LUZP2: variants seen among roughly 807,000 people sequenced by gnomAD.
The protein encoded by LUZP2 is leucine zipper protein 2.
A neutral mutation model predicts 51.6 loss-of-function variants in LUZP2; 52 were observed. That is an observed-to-expected ratio of 1.01 (90% confidence interval 0.81 to 1.27). The LOEUF (loss-of-function observed/expected upper bound fraction) is 1.27. LUZP2 is among the 50% of genes most tolerant of loss of function. The pLI is 0.00. For missense variants in LUZP2, 436 were observed against 395.4 expected, an observed-to-expected ratio of 1.10 and a Z score of -0.87; for synonymous variants, 154 against 137.3, an observed-to-expected ratio of 1.12 and a Z score of -0.85.
intron 7 of LUZP2, among the ~76,000 whole-genome samples, chr11:24,965,567 C>A (rs886413556): frequency 2.0e-5 from 3 of 151,600 alleles, no homozygotes; most frequent in South Asian, 2.1e-4. Flanking sequence ...ACTTTGAAAG[C>A]AATTTTGAGG....
Position 25,055,134 on chromosome 11 carries a change from C to A in LUZP2, c.858+5004C>A, listed in dbSNP as rs1305377825. On this transcript the variant is annotated intron_variant, in intron 10 of 11. Coordinates refer to ENST00000336930, the MANE Select transcript of LUZP2 (RefSeq NM_001009909.4). ...CAAGCGATTCTCCTGCCTCAGCCTC[C>A]TGAGTAGCTGGGACTACAGGTGCCT... Among the ~76,000 whole-genome samples, 3 of 150,962 alleles carry A rather than the reference C, an allele frequency of 2.0e-5. No individual in the cohort carries two copies. In the South Asian group the frequency reaches 6.3e-4, roughly 32 times the overall value.
intron 1 of LUZP2, among the ~76,000 whole-genome samples, chr11:24,590,324 A>G (rs1216353961): frequency 6.6e-6 from 1 of 152,132 alleles, no homozygotes; most frequent in Admixed American, 6.6e-5. Context: ...ACGGAGTACA[A>G]TTTGATGTCT....
chr11:24,607,519 A>C (rs572707599), intron 1 of LUZP2, among the ~76,000 whole-genome samples: 24 of 151,944 alleles, frequency 1.6e-4, no homozygotes, highest in South Asian at 6.2e-4. Flanking sequence ...CTTTTATGTC[A>C]GTGTGATACT....
chr11:24,967,481 A>T (rs1017944508), intron 7 of LUZP2, among the ~76,000 whole-genome samples: 5 of 151,250 alleles, frequency 3.3e-5, no homozygotes, highest in Admixed American at 2.0e-4. Flanking sequence ...TCTTTTTTTC[A>T]TACTCTTTTC....
intron 5 of LUZP2, among the ~76,000 whole-genome samples, chr11:24,773,127 A>G (rs1318184973): frequency 2.0e-5 from 3 of 151,340 alleles, no homozygotes; most frequent in South Asian, 2.1e-4. Context: ...TTTATTAGGT[A>G]TAAATCTATC....
chr11:24,766,016 C>T (rs78486056), intron 5 of LUZP2, among the ~76,000 whole-genome samples: 5,478 of 152,238 alleles, frequency 0.036, 201 homozygotes, highest in African/African-American at 0.087. Flanking sequence ...TCACCTCAGC[C>T]TCCTAAAATG....
intron 1 of LUZP2, among the ~76,000 whole-genome samples, chr11:24,546,807 C>T (rs989580974): frequency 2.0e-5 from 3 of 152,034 alleles, no homozygotes; most frequent in Admixed American, 6.6e-5. Context: ...AGAGAGGAGT[C>T]CTTCCTCCTC....
chr11:25,009,246 CAGAA>C (rs1216465427), intron 9 of LUZP2, among the ~76,000 whole-genome samples: 2 of 151,910 alleles, frequency 1.3e-5, no homozygotes, highest in Non-Finnish European at 2.9e-5. Context: ...ACATATAAAC[CAGAA>C]AGAAAGTGAG....
At chr11:24,659,406 A>T (rs1342166014) in intron 1 of LUZP2, among the ~76,000 whole-genome samples, 3 of 152,010 alleles carry the variant, frequency 2.0e-5, no homozygotes, top group Non-Finnish European at 4.4e-5. Flanking sequence ...AACATCACAC[A>T]CCAGGGTCTG....
At chr11:24,895,484 TAA>T (rs1853011097) in intron 5 of LUZP2, among the ~76,000 whole-genome samples, 1 of 152,168 alleles carries the variant, frequency 6.6e-6, no homozygotes, top group Non-Finnish European at 1.5e-5. Context: ...GTATCGTACC[TAA>T]GAGTCTTTAA....
intron 7 of LUZP2, among the ~76,000 whole-genome samples, chr11:24,943,488 T>A (rs1328166477): frequency 6.6e-6 from 1 of 152,120 alleles, no homozygotes; most frequent in East Asian, 1.9e-4. Flanking sequence ...TCTACTGCGG[T>A]TATTTGAGTG....
At position 24,514,346 on chromosome 11, in the gene LUZP2, T is replaced by G. The variant is rs115037352; in HGVS notation, c.62+17041T>G. 3.3e-3 allele frequency among the ~76,000 whole-genome samples: 501 copies of G among 152,310 alleles called. 4 individuals are homozygous for G. The highest frequency in any genetic ancestry group is 0.012 in the African/African-American group (483 of 41,570). ...TGGTGAAACTGAGAGCATTCTAGCA[T>G]AAGAATGGTTTCAGAATAAGTAATT... On this transcript the variant is annotated intron_variant, in intron 1 of 11. Coordinates refer to ENST00000336930, the MANE Select transcript of LUZP2 (RefSeq NM_001009909.4).
At chr11:24,932,277 G>A (rs1409206964) in intron 7 of LUZP2, among the ~76,000 whole-genome samples, 1 of 152,198 alleles carries the variant, frequency 6.6e-6, no homozygotes, top group African/African-American at 2.4e-5. Flanking sequence ...ATCAGCTGCA[G>A]TAGTACATGG....
chr11:24,703,728 C>G (rs1216942531), intron 1 of LUZP2, among the ~76,000 whole-genome samples: 1 of 151,828 alleles, frequency 6.6e-6, no homozygotes, highest in Non-Finnish European at 1.5e-5. Flanking sequence ...ACTTGGGAGG[C>G]TGAGGCAGGA....
chr11:24,809,604 A>T (rs964846686), intron 5 of LUZP2, among the ~76,000 whole-genome samples: 4 of 152,170 alleles, frequency 2.6e-5, no homozygotes, highest in Non-Finnish European at 5.9e-5. Flanking sequence ...AGGAGTGAAT[A>T]ATGGAAGAAA....
At chr11:24,892,376 T>C (rs980692335) in intron 5 of LUZP2, 17 of 985,214 alleles carry the variant, frequency 1.7e-5, no homozygotes, top group Non-Finnish European at 2.0e-5. Context: ...CTAAAAGTTC[T>C]TACAACTCTC....
chr11:24,591,354 C>T (rs1284390025), intron 1 of LUZP2, among the ~76,000 whole-genome samples: 2 of 152,174 alleles, frequency 1.3e-5, no homozygotes, highest in African/African-American at 4.8e-5. Flanking sequence ...AAGCTCTTCT[C>T]ATATCCCACC....
rs553050656 is a variant in LUZP2, at chr11:24,520,323, G to A, written c.62+23018G>A. ...TTTGGAAATGGAACTGTTATCAACA[G>A]GAAAAACAGGGAAGGATTTAAAAAA... is the stretch of plus-strand genomic sequence containing the variant. On this transcript the variant is annotated intron_variant, in intron 1 of 11. Coordinates refer to ENST00000336930, the MANE Select transcript of LUZP2 (RefSeq NM_001009909.4). Among the ~76,000 whole-genome samples, 8 of 152,228 alleles carry A rather than the reference G, an allele frequency of 5.3e-5. No individual in the cohort carries two copies. The South Asian group carries it at 1.7e-3, about 32-fold the overall frequency.
chr11:24,584,652 G>A (rs547630284), intron 1 of LUZP2, among the ~76,000 whole-genome samples: 1 of 152,216 alleles, frequency 6.6e-6, no homozygotes, highest in East Asian at 1.9e-4. Flanking sequence ...CTGTGCTCTG[G>A]CATGTGTGTG....
Sources: allele counts gnomAD v4.1 joint callset (sites outside exome capture counted in the v4.1 genomes callset), GRCh38; gene constraint gnomAD v4.1.1; transcripts MANE v1.5; gene names NCBI Gene and HGNC (gene_info 2026-07-23, HGNC 2026-07-21).